Variants in PAFAH1B1 observed in about 807,000 individuals in gnomAD.
PAFAH1B1 encodes the protein platelet activating factor acetylhydrolase 1b regulatory subunit 1.
PAFAH1B1 carries 2 observed loss-of-function variants against 57.5 expected under a neutral mutation model. The ratio of observed to expected loss-of-function variants is 0.03; its 90% CI spans 0.01 to 0.11. The LOEUF is 0.11. PAFAH1B1 is among the 10% of genes least tolerant of loss of function. The pLI, the probability that PAFAH1B1 is intolerant of heterozygous loss-of-function variation, is 1.00. For synonymous variants in PAFAH1B1, 152 were observed against 169.6 expected, an observed-to-expected ratio of 0.90 and a Z score of 0.81; for missense variants, 257 against 512.0, an observed-to-expected ratio of 0.50 and a Z score of 4.81.
intron 1 of PAFAH1B1, among the ~76,000 whole-genome samples, chr17:2,624,838 C>T (rs577993130): frequency 5.9e-5 from 9 of 152,236 alleles, no homozygotes; most frequent in Non-Finnish European, 1.2e-4. Flanking sequence ...CCACTGTGCC[C>T]GGCCTCTGCT....
At chr17:2,645,714 C>G (rs2068759741) in intron 2 of PAFAH1B1, among the ~76,000 whole-genome samples, 1 of 151,292 alleles carries the variant, frequency 6.6e-6, no homozygotes, top group Non-Finnish European at 1.5e-5. Context: ...CTTGGGTTCT[C>G]CTGCCTCAGC....
chr17:2,665,061 A>G (rs1419538655), intron 2 of PAFAH1B1, among the ~76,000 whole-genome samples: 3 of 152,204 alleles, frequency 2.0e-5, no homozygotes, highest in Admixed American at 1.3e-4. Context: ...AGCTTGATCT[A>G]TAGAGTGCCT....
At chr17:2,645,717 G>T (rs1415622572) in intron 2 of PAFAH1B1, among the ~76,000 whole-genome samples, 1 of 151,350 alleles carries the variant, frequency 6.6e-6, no homozygotes. Flanking sequence ...GGGTTCTCCT[G>T]CCTCAGCCTC....
chr17:2,640,387 T>G (rs946498785), intron 2 of PAFAH1B1: 1 of 151,706 alleles, frequency 6.6e-6, no homozygotes, highest in Non-Finnish European at 1.5e-5. Context: ...TTTTTTTTTT[T>G]TTTTGACCTT....
intron 1 of PAFAH1B1, among the ~76,000 whole-genome samples, chr17:2,637,498 C>T (rs1008928241): frequency 3.3e-5 from 5 of 152,038 alleles, no homozygotes; most frequent in South Asian, 2.1e-4. Flanking sequence ...GTGGGAGGAT[C>T]GCTTAAGCCC....
chr17:2,619,024 C>G (rs964082339), intron 1 of PAFAH1B1, among the ~76,000 whole-genome samples: 1 of 150,456 alleles, frequency 6.6e-6, no homozygotes, highest in Non-Finnish European at 1.5e-5. Flanking sequence ...TAATTCTTCA[C>G]GATGTTAAAC....
At chr17:2,602,488 T>C (rs1597508566) in intron 1 of PAFAH1B1, among the ~76,000 whole-genome samples, 1 of 152,312 alleles carries the variant, frequency 6.6e-6, no homozygotes, top group East Asian at 1.9e-4. Flanking sequence ...TCAATTACCT[T>C]GTCTTGCCAA....
In PAFAH1B1 at chr17:2,684,920, G is replaced by T. The variant is rs1316698296; in HGVS notation, c.*3118G>T. On this transcript the variant is annotated 3_prime_UTR_variant, in exon 11 of 11. Coordinates refer to ENST00000397195, the MANE Select transcript of PAFAH1B1 (RefSeq NM_000430.4). ...TCCCGGTAATATCACTCGTTAAATAGGTTTTCTTTAAACTTAATTAAAGAA... is the reference window on the plus strand; with the variant it reads ...TCCCGGTAATATCACTCGTTAAATATGTTTTCTTTAAACTTAATTAAAGAA... The T allele has an allele frequency of 1.3e-5, 2 of 152,000 alleles. No homozygotes were observed. The highest frequency in any genetic ancestry group is 3.8e-4 in the East Asian group (2 of 5,198). 9.4% of individuals were successfully genotyped at this position (152,000 alleles called of 1,614,324 possible).
At chr17:2,618,416 A>G (rs1476716989) in intron 1 of PAFAH1B1, among the ~76,000 whole-genome samples, 1 of 152,166 alleles carries the variant, frequency 6.6e-6, no homozygotes, top group African/African-American at 2.4e-5. Flanking sequence ...TTAAAACTCT[A>G]GAAATTTACC....
At chr17:2,602,054 A>G (rs1357338928) in intron 1 of PAFAH1B1, among the ~76,000 whole-genome samples, 1 of 152,194 alleles carries the variant, frequency 6.6e-6, no homozygotes, top group Non-Finnish European at 1.5e-5. Context: ...TTTGTCTTTA[A>G]TGGTTCAGCA....
chr17:2,657,519 C>T (rs1453968331), intron 2 of PAFAH1B1, among the ~76,000 whole-genome samples: 2 of 152,230 alleles, frequency 1.3e-5, no homozygotes, highest in Non-Finnish European at 2.9e-5. Flanking sequence ...GGTGGGATTA[C>T]AGGCGTGAGC....
chr17:2,657,258 T>C (rs1046098678), intron 2 of PAFAH1B1, among the ~76,000 whole-genome samples: 4 of 152,174 alleles, frequency 2.6e-5, no homozygotes, highest in African/African-American at 7.2e-5. Context: ...GTTTCTGTTT[T>C]TTGAGACAAG....
chr17:2,659,458 T>C (rs931568445), intron 2 of PAFAH1B1: 7 of 258,828 alleles, frequency 2.7e-5, no homozygotes, highest in Non-Finnish European at 4.6e-5. Context: ...AATCGTGAGG[T>C]TGTGGTGAGC....
chr17:2,613,433 A>G, intron 1 of PAFAH1B1: 1 of 243,348 alleles, frequency 4.1e-6, no homozygotes, highest in Non-Finnish European at 8.4e-6. Context: ...TCCTGTGCTG[A>G]GTTCCCTCTC....
rs1488829162 is a variant in PAFAH1B1, at chr17:2,684,696, C to T, written c.*2894C>T. On this transcript the variant is annotated 3_prime_UTR_variant, in exon 11 of 11. Coordinates refer to ENST00000397195, the MANE Select transcript of PAFAH1B1 (RefSeq NM_000430.4). Reference sequence around the variant, plus strand: ...TGCACTTTAGGAGACTAAGACCGTCCTGGTTCGTCTGTGTGTGGTGTGACC... The same window carrying T: ...TGCACTTTAGGAGACTAAGACCGTCTTGGTTCGTCTGTGTGTGGTGTGACC... The T allele has an allele frequency of 6.6e-6, 1 of 152,648 alleles. No homozygotes were observed. The highest frequency in any genetic ancestry group is 2.4e-5 in the African/African-American group (1 of 41,440). 9.5% of individuals were successfully genotyped at this position (152,648 alleles called of 1,614,324 possible).
At chr17:2,648,112 C>T (rs919624447) in intron 2 of PAFAH1B1, among the ~76,000 whole-genome samples, 5 of 152,188 alleles carry the variant, frequency 3.3e-5, no homozygotes, top group Admixed American at 6.6e-5. Flanking sequence ...GGGAAGCACA[C>T]GTCGTCCTTC....
chr17:2,681,628 ATT>A, intron 10 of PAFAH1B1, 99 bp from the exon 11 acceptor site: 4 of 819,348 alleles, frequency 4.9e-6, no homozygotes, highest in Non-Finnish European at 1.9e-6. Context: ...TGCCCGGCTA[ATT>A]TTTTTTTTAA....
chr17:2,651,645 G>A lies in PAFAH1B1; in HGVS notation c.32+13325G>A, dbSNP rs148570993. 6.3e-5 allele frequency among the ~76,000 whole-genome samples: 9 copies of A among 143,570 alleles called. No individual in the cohort carries two copies. In the East Asian group the frequency reaches 1.8e-3, roughly 28 times the overall value. The allele number at this position is 143,570 out of a possible 152,430, so 94.2% of individuals were successfully genotyped here. On this transcript the variant is annotated intron_variant, in intron 2 of 10. Transcript: ENST00000397195. ...GGTAATAAATTCTCCTAAATTTTTT[G>A]TTTTGTAAACCTCCTTGCTTCTCTT...
At chr17:2,646,843 G>C (rs2068775740) in intron 2 of PAFAH1B1, among the ~76,000 whole-genome samples, 1 of 152,088 alleles carries the variant, frequency 6.6e-6, no homozygotes, top group Non-Finnish European at 1.5e-5. Context: ...CAAATCTTAA[G>C]GACCATTTGC....
Sources: allele counts gnomAD v4.1 joint callset (sites outside exome capture counted in the v4.1 genomes callset), GRCh38; gene constraint gnomAD v4.1.1; transcripts MANE v1.5; gene names NCBI Gene and HGNC (gene_info 2026-07-23, HGNC 2026-07-21).